The following ZFR variants were observed in gnomAD, a reference collection of about 807,000 sequenced individuals.
The protein encoded by ZFR is zinc finger RNA binding protein.
A neutral mutation model predicts 130.7 loss-of-function variants in ZFR; 19 were observed. The ratio of observed to expected loss-of-function variants is 0.15; its 90% confidence interval spans 0.10 to 0.21. The LOEUF (loss-of-function observed/expected upper bound fraction) is 0.21. Ranked by LOEUF, ZFR falls within the 10% of genes least tolerant of loss-of-function variation. The pLI, the probability that ZFR is intolerant of heterozygous loss-of-function variation, is 1.00. For missense variants in ZFR, 872 were observed against 1,321.5 expected (o/e 0.66, Z 5.27); for synonymous variants, 466 against 456.9 (o/e 1.02, Z -0.25).
chr5:32,362,254 A>C (rs1269013497), intron 19 of ZFR, among the ~76,000 whole-genome samples: 1 of 152,138 alleles, frequency 6.6e-6, no homozygotes, highest in African/African-American at 2.4e-5. Flanking sequence ...ATGTTAAACT[A>C]TGTACGCCTA....
intron 14 of ZFR, 21 bp downstream of exon 14, chr5:32,387,528 G>A: frequency 1.2e-6 from 2 of 1,607,806 alleles, no homozygotes; most frequent in Non-Finnish European, 1.7e-6. Context: ...GGGTAAAAAT[G>A]AACATTTCCA....
intron 17 of ZFR, among the ~76,000 whole-genome samples, chr5:32,375,587 G>A (rs998925915): frequency 1.3e-5 from 2 of 152,104 alleles, no homozygotes; most frequent in African/African-American, 4.8e-5. Flanking sequence ...ATGGCTCACT[G>A]TAGACTTGAC....
chr5:32,400,331 G>A (rs1480537559), intron 8 of ZFR, 128 bp from the exon 9 acceptor site: 2 of 627,452 alleles, frequency 3.2e-6, no homozygotes, highest in African/African-American at 1.9e-5. Context: ...TACAACAGAT[G>A]AGAATTTTGA....
intron 15 of ZFR, among the ~76,000 whole-genome samples, chr5:32,385,102 CTCTTG>C (rs921210359): frequency 1.3e-5 from 2 of 152,054 alleles, no homozygotes; most frequent in African/African-American, 4.8e-5. Context: ...TTTGTGAAAA[CTCTTG>C]TCTTTTTTGT....
chr5:32,444,451 G>T, intron 1 of ZFR, 123 bp from the exon 2 acceptor site: 1 of 1,290,048 alleles, frequency 7.8e-7, no homozygotes, highest in Non-Finnish European at 1.0e-6. Flanking sequence ...GCGGGGCCCA[G>T]GCCGCGGCCG....
intron 2 of ZFR, among the ~76,000 whole-genome samples, chr5:32,436,741 T>C (rs938857345): frequency 2.0e-5 from 3 of 152,192 alleles, no homozygotes; most frequent in African/African-American, 7.2e-5. Context: ...ACCAAAGTGC[T>C]AGGGTTACAG....
At chr5:32,358,944 C>T (rs1388229055) in intron 19 of ZFR, among the ~76,000 whole-genome samples, 1 of 151,946 alleles carries the variant, frequency 6.6e-6, no homozygotes, top group African/African-American at 2.4e-5. Context: ...AAAGCTTAGC[C>T]GGGCATGGTG....
intron 15 of ZFR, among the ~76,000 whole-genome samples, chr5:32,382,767 G>A (rs968836715): frequency 4.0e-5 from 6 of 151,862 alleles, no homozygotes; most frequent in Non-Finnish European, 1.5e-5. Context: ...TCACCACCAC[G>A]CCCAGCTAAT....
At chr5:32,409,300 C>T (rs539080521) in intron 5 of ZFR, among the ~76,000 whole-genome samples, 1 of 152,256 alleles carries the variant, frequency 6.6e-6, no homozygotes, top group East Asian at 1.9e-4. Flanking sequence ...AAATTTAAAA[C>T]GTTCTCTTAA....
intron 2 of ZFR, among the ~76,000 whole-genome samples, chr5:32,439,527 A>G (rs953859861): frequency 1.3e-5 from 2 of 152,186 alleles, no homozygotes; most frequent in African/African-American, 4.8e-5. Context: ...TCTCAAAATC[A>G]TTAGATGAGA....
At chr5:32,356,930 T>C (rs1752329426) in intron 19 of ZFR, among the ~76,000 whole-genome samples, 1 of 152,220 alleles carries the variant, frequency 6.6e-6, no homozygotes, top group African/African-American at 2.4e-5. Flanking sequence ...TTCCCCCTTC[T>C]GGATACTATA....
chr5:32,405,953 C>A (rs994481794), intron 6 of ZFR, among the ~76,000 whole-genome samples: 1 of 152,134 alleles, frequency 6.6e-6, no homozygotes, highest in Non-Finnish European at 1.5e-5. Flanking sequence ...ACGTGTTACA[C>A]AGGTAGGGCA....
chr5:32,390,907 C>T (rs1050287076), intron 11 of ZFR, among the ~76,000 whole-genome samples: 1 of 152,138 alleles, frequency 6.6e-6, no homozygotes, highest in Non-Finnish European at 1.5e-5. Flanking sequence ...GTTGGGGACA[C>T]ATTAAGGGTG....
chr5:32,377,234 CCT>C (rs765350589), intron 17 of ZFR, among the ~76,000 whole-genome samples: 46 of 148,470 alleles, frequency 3.1e-4, no homozygotes, highest in African/African-American at 1.1e-3. Flanking sequence ...CTCTCTCTCT[CCT>C]CTCTCTCTTT....
rs1754550912 is a variant in ZFR, at chr5:32,444,268, TG to T, written c.97del (p.His33ThrfsTer21). ...MATGNYFGFT[H>X]SGAAAAAAAA... ...AGCCGCCGCCGCCGCCGCCCCGCTG[TG>T]GGTGAATCCAAAGTAGTTGCCGGTC... is the stretch of plus-strand genomic sequence containing the variant. On this transcript the variant is annotated frameshift_variant, in exon 2 of 20. Transcript: ENST00000265069. LOFTEE classifies it high-confidence loss of function. The T allele has an allele frequency of 6.4e-7, 1 of 1,563,200 alleles. No individual in the cohort carries two copies.
chr5:32,364,129 T>C, intron 18 of ZFR, 35 bp downstream of exon 18: 1 of 1,595,262 alleles, frequency 6.3e-7, no homozygotes, highest in Non-Finnish European at 8.6e-7. Flanking sequence ...TGAGTAAACT[T>C]CATTTTACTT....
chr5:32,443,049 C>T (rs371667541), intron 2 of ZFR, among the ~76,000 whole-genome samples: 2 of 143,974 alleles, frequency 1.4e-5, no homozygotes, highest in Admixed American at 6.9e-5. Context: ...ATTATTTATT[C>T]AAAAAAAAAA....
intron 2 of ZFR, among the ~76,000 whole-genome samples, chr5:32,425,174 T>C (rs542378613): frequency 6.6e-6 from 1 of 152,180 alleles, no homozygotes; most frequent in South Asian, 2.1e-4. Context: ...ATGTGGAGCT[T>C]AGCACCAAAA....
rs750975581 is a variant in ZFR, at chr5:32,390,299, C to T, written c.2118G>A (p.Met706Ile). The change falls in exon 12 of 20, where the codon ATG becomes ATA. Residue 706 changes from methionine to isoleucine, a missense_variant. This residue lies in a region of ZFR where 225 missense variants were observed against 282.4 expected (regional missense o/e 0.80). Transcript: ENST00000265069. ...CTGCAGGCCCCTGAGGCTGAGGAGG[C>T]ATGCCTGGTCGGACTCCCAGAAGGC... is the stretch of plus-strand genomic sequence containing the variant. ...PLGLLGVRPGMPPQPQGPAPL... is the reference protein window; with the variant it reads ...PLGLLGVRPGIPPQPQGPAPL... 5 of 1,614,030 alleles carry T rather than the reference C, an allele frequency of 3.1e-6. No individual in the cohort carries two copies. The highest frequency in any genetic ancestry group is 1.7e-4 in the Middle Eastern group (1 of 6,054).
Sources: allele counts gnomAD v4.1 joint callset (sites outside exome capture counted in the v4.1 genomes callset), GRCh38; gene constraint gnomAD v4.1.1; regional missense constraint gnomAD v4.1.1; transcripts MANE v1.5; gene names NCBI Gene and HGNC (gene_info 2026-07-23, HGNC 2026-07-21).